The following AGRN variants were observed in gnomAD, a reference collection of about 807,000 sequenced individuals.
AGRN encodes the protein agrin proteoglycan.
In AGRN, 106 loss-of-function variants were observed where a neutral mutation model predicts 211.0. That is an observed-to-expected ratio of 0.50 (90% CI 0.43 to 0.59). AGRN has a LOEUF of 0.59. Ranked by LOEUF, AGRN falls within the 20% of genes least tolerant of loss-of-function variation. The pLI, the probability that AGRN is intolerant of heterozygous loss-of-function variation, is 0.00. For synonymous variants in AGRN, 1,525 were observed against 1,332.5 expected (o/e 1.14, Z -3.15); for missense variants, 3,040 against 2,982.6 (o/e 1.02, Z -0.45).
In AGRN at chr1:1,048,031, C is replaced by A. The variant is rs747026759; in HGVS notation, c.3771C>A (p.Ile1257=). 5 of 1,584,560 alleles carry A rather than the reference C, an allele frequency of 3.2e-6. No homozygotes were observed. The highest frequency in any genetic ancestry group is 1.3e-5 in the African/African-American group (1 of 74,576). ...FMDFDWFPAF[I]TGATSGAIAA... is the part of the protein sequence containing the mutation. ...CGGCAGACTGGTTTCCTGCGTTTAT[C>A]ACGGGGGCCACGTCAGGAGCCATTG... Residue 1257 remains isoleucine (I), a synonymous_variant, in exon 23 of 36, where the codon ATC becomes ATA. Coordinates refer to ENST00000379370, the MANE Select transcript of AGRN (RefSeq NM_198576.4). The surrounding 1 kb of genome is among the most constrained non-coding windows in gnomAD (Gnocchi z 5.9).
chr1:1,054,449 G>C lies in AGRN; in HGVS notation c.5878G>C (p.Glu1960Gln), dbSNP rs1645397033. ...GTCTCCCCCTCCCTGCACACCCAGG[G>C]AGCAGAGGGAAGGTTCCCTGCAGGT... The part of the protein sequence containing the change: ...NRWLRVVAHR[E>Q]QREGSLQVGN... The change falls in exon 35 of 36, where the codon GAG becomes CAG. Residue 1960 changes from glutamate to glutamine, a missense_variant and splice_region_variant. Around this residue, in one of 3 missense-constraint regions of AGRN, gnomAD observed 1,537 missense variants for 1,505.0 expected, o/e 1.02. Transcript: ENST00000379370. 1 of 1,581,526 alleles carries C rather than the reference G, an allele frequency of 6.3e-7. No homozygotes were observed. Among genetic ancestry groups the C allele is most frequent in the Non-Finnish European group, 8.6e-7 (1 of 1,163,950 alleles).
In AGRN at chr1:1,048,319, C is replaced by T; in HGVS notation, c.4059C>T (p.Phe1353=). ...AGGACTGGGCATTGGGCGGGGGCTT[C>T]ACCTGCAGCTGCCCGGCAGGCAGGG... ...TCQDWALGGG[F]TCSCPAGRGG... Residue 1353 remains phenylalanine (F), a synonymous_variant, in exon 23 of 36, where the codon TTC becomes TTT. Transcript: ENST00000379370. The surrounding 1 kb of genome is among the most constrained non-coding windows in gnomAD (Gnocchi z 5.9). 1 of 1,482,646 alleles carries T rather than the reference C, an allele frequency of 6.7e-7. No homozygotes were observed. The highest frequency in any genetic ancestry group is 9.0e-7 in the Non-Finnish European group (1 of 1,113,100). 91.8% of individuals were successfully genotyped at this position (1,482,646 alleles called of 1,614,324 possible).
intron 2 of AGRN, among the ~76,000 whole-genome samples, chr1:1,033,568 C>G (rs1570166174): frequency 1.3e-5 from 2 of 151,470 alleles, no homozygotes. Context: ...CTCCCCCGGC[C>G]CAGCCCCACC....
chr1:1,046,467 C>T lies in AGRN; in HGVS notation c.2982C>T (p.Ser994=), dbSNP rs1428954060. 6.2e-7 allele frequency: 1 copy of T among 1,612,114 alleles called. No homozygotes were observed. Among genetic ancestry groups the T allele is most frequent in the African/African-American group, 1.3e-5 (1 of 75,008 alleles). The stretch of plus-strand genomic sequence containing the variant: ...TGACCACCCCAGGGCTCCTCCTGAG[C>T]CAGGCACTGCCGGCCCCCCCCGGCG... The part of the protein sequence containing the change: ...VTVTTPGLLL[S]QALPAPPGAL... Residue 994 remains serine, a synonymous_variant, in exon 18 of 36, where the codon AGC becomes AGT. Coordinates refer to ENST00000379370, the MANE Select transcript of AGRN (RefSeq NM_198576.4).
chr1:1,051,023 G>A (rs755487393), intron 30 of AGRN, 186 bp downstream of exon 30: 6 of 1,549,238 alleles, frequency 3.9e-6, no homozygotes, highest in East Asian at 2.4e-5. Flanking sequence ...CCCGCTCTTC[G>A]GAGGCCAGAA....
Position 1,051,742 on chromosome 1 carries a change from T to G in AGRN, c.5578T>G (p.Ser1860Ala), listed in dbSNP as rs1645298647. The G allele has an allele frequency of 1.2e-6, 2 of 1,613,702 alleles. No individual in the cohort carries two copies. Among genetic ancestry groups the G allele is most frequent in the African/African-American group, 1.3e-5 (1 of 74,930 alleles). ...CTATCTCACAGGGCTGGTGGAGAAG[T>G]CAGCGGGGGACGTGGATACCTTGGC... ...PHCEKGLVEK[S>A]AGDVDTLAFD... The change falls in exon 33 of 36, where the codon TCA becomes GCA. Residue 1860 changes from serine to alanine, a missense_variant. By Grantham distance (99) the Ser-to-Ala change is moderately conservative. Coordinates refer to ENST00000379370, the MANE Select transcript of AGRN (RefSeq NM_198576.4).
chr1:1,043,480 G>A (rs776464400), intron 8 of AGRN, 23 bp downstream of exon 8: 21 of 1,598,512 alleles, frequency 1.3e-5, no homozygotes, highest in Non-Finnish European at 1.7e-5. Context: ...TGAGGGGTCT[G>A]GTGGGGGTCG....
chr1:1,044,459 G>T lies in AGRN; in HGVS notation c.2254+20G>T, dbSNP rs749805082. The T allele has an allele frequency of 1.3e-6, 2 of 1,595,236 alleles. No individual in the cohort carries two copies. Among genetic ancestry groups the T allele is most frequent in the Non-Finnish European group, 1.7e-6 (2 of 1,171,612 alleles). On this transcript the variant is annotated intron_variant, in intron 12 of 35. Coordinates refer to ENST00000379370, the MANE Select transcript of AGRN (RefSeq NM_198576.4). Reference sequence around the variant, plus strand: ...GCCGAGGTGAGCCGGCTGCACGTGGGGTCTCAGGCACAGGCGGGGCGGCGT... The same window carrying T: ...GCCGAGGTGAGCCGGCTGCACGTGGTGTCTCAGGCACAGGCGGGGCGGCGT...
rs895959650 is a variant in AGRN, at chr1:1,051,608, G to A, written c.5526G>A (p.Leu1842=). ...CGAGGGAGGCTGCCTATGTGTGCCT[G>A]TGTCCCGGGGGATTCTCAGGACCGC... ...CVPREAAYVC[L]CPGGFSGPHC... is the part of the protein sequence containing the mutation. The change falls in exon 32 of 36, where the codon CTG becomes CTA. Residue 1842 remains leucine, a synonymous_variant. Coordinates refer to ENST00000379370, the MANE Select transcript of AGRN (RefSeq NM_198576.4). The A allele has an allele frequency of 8.7e-6, 14 of 1,608,480 alleles. No individual in the cohort carries two copies. In the South Asian group the frequency reaches 1.4e-4, roughly 16 times the overall value.
Position 1,048,358 on chromosome 1 carries a change from T to C in AGRN, c.4098T>C (p.Cys1366=). 2 of 1,462,786 alleles carry C rather than the reference T, an allele frequency of 1.4e-6. No individual in the cohort carries two copies. The highest frequency in any genetic ancestry group is 1.8e-6 in the Non-Finnish European group (2 of 1,104,032). 90.6% of individuals were successfully genotyped at this position (1,462,786 alleles called of 1,614,324 possible). A position where few individuals can be genotyped will look rare whatever the true frequency, so the allele number is the denominator to read the frequency against. The change falls in exon 23 of 36, where the codon TGT becomes TGC. Residue 1366 remains cysteine, a synonymous_variant. Coordinates refer to ENST00000379370, the MANE Select transcript of AGRN (RefSeq NM_198576.4). The surrounding 1 kb of genome is among the most constrained non-coding windows in gnomAD (Gnocchi z 5.9). ...CGGCAGGCAGGGGAGGCGCCGTCTGTGAGAAGGGTAAGGATGTCCACTGCA... is the reference window on the plus strand; with the variant it reads ...CGGCAGGCAGGGGAGGCGCCGTCTGCGAGAAGGGTAAGGATGTCCACTGCA... The part of the protein sequence containing the change: ...SCPAGRGGAV[C]EKVLGAPVPA...
At chr1:1,037,119 G>A (rs374051503) in intron 3 of AGRN, among the ~76,000 whole-genome samples, 16 of 152,316 alleles carry the variant, frequency 1.1e-4, no homozygotes, top group African/African-American at 3.6e-4. Context: ...GCTGGGTCCT[G>A]GGGAGGAGAC....
intron 34 of AGRN, 24 bp downstream of exon 34, chr1:1,054,001 G>A (rs200400194): frequency 3.3e-4 from 521 of 1,569,200 alleles, no homozygotes; most frequent in Non-Finnish European, 4.2e-4. Flanking sequence ...CCAGCGTGCC[G>A]AGAATAGTGG....
intron 34 of AGRN, 29 bp downstream of exon 34, chr1:1,054,006 T>A: frequency 6.4e-7 from 1 of 1,564,116 alleles, no homozygotes; most frequent in Non-Finnish European, 8.7e-7. Context: ...GTGCCGAGAA[T>A]AGTGGCGAGG....
intron 3 of AGRN, among the ~76,000 whole-genome samples, chr1:1,039,558 C>T (rs556372116): frequency 6.6e-6 from 1 of 151,454 alleles, no homozygotes; most frequent in Non-Finnish European, 1.5e-5. Flanking sequence ...GGACCCTTCC[C>T]TGATCCTGGG....
rs751407693 is a variant in AGRN at position 1,046,220 on chromosome 1, C to T, written c.2866C>T (p.Arg956Cys). ...GTGTCAGCTGAAGACCATCGCCTGC[C>T]GCCAGGGCCTGCAAATCTCTATCCA... is the stretch of plus-strand genomic sequence containing the variant. ...NECQLKTIAC[R>C]QGLQISIQSL... The change falls in exon 17 of 36, where the codon CGC becomes TGC. Residue 956 changes from arginine (R) to cysteine (C), a missense_variant. Around this residue, in one of 3 missense-constraint regions of AGRN, gnomAD observed 1,498 missense variants for 1,457.8 expected, o/e 1.03. Transcript: ENST00000379370. 21 of 1,613,648 alleles carry T rather than the reference C, an allele frequency of 1.3e-5. No individual in the cohort carries two copies. Among genetic ancestry groups the T allele is most frequent in the Middle Eastern group, 1.6e-4 (1 of 6,062 alleles).
In AGRN at chr1:1,031,869, T is replaced by C. The variant is rs773439646; in HGVS notation, c.464-3408T>C. On this transcript the variant is annotated intron_variant, in intron 2 of 35. Coordinates refer to ENST00000379370, the MANE Select transcript of AGRN (RefSeq NM_198576.4). The surrounding 1 kb of genome is among the most constrained non-coding windows in gnomAD (Gnocchi z 4.8). ...TGGTAGCACGGCCTGGGTTTGACCC[T>C]GGCACTGCCCCTGGGACTCAGAGCT... Among the ~76,000 whole-genome samples the C allele has an allele frequency of 1.4e-4, 21 of 152,220 alleles. No individual in the cohort carries two copies. The highest frequency in any genetic ancestry group is 2.9e-4 in the Non-Finnish European group (20 of 68,026).
At chr1:1,033,878 G>A (rs1400634772) in intron 2 of AGRN, among the ~76,000 whole-genome samples, 1 of 149,292 alleles carries the variant, frequency 6.7e-6, no homozygotes, top group Non-Finnish European at 1.5e-5. Flanking sequence ...TTTGTGCGGC[G>A]CTCTCCCGTC....
intron 33 of AGRN, 116 bp from the exon 34 acceptor site, chr1:1,053,637 C>G: frequency 6.7e-7 from 1 of 1,488,648 alleles, no homozygotes; most frequent in Non-Finnish European, 9.1e-7. Flanking sequence ...CCAGCCACCC[C>G]TGGGTCCCGT....
rs1438398021 is a variant in AGRN at position 1,048,508 on chromosome 1, C to T, written c.4105+143C>T. Reference sequence around the variant, plus strand: ...GGTTTCGGCCAGATGCGGTGGCTCACGCCTGTAATCCCAGCACTTTGGGAG... The same window carrying T: ...GGTTTCGGCCAGATGCGGTGGCTCATGCCTGTAATCCCAGCACTTTGGGAG... On this transcript the variant is annotated intron_variant, in intron 23 of 35. Transcript: ENST00000379370. This position sits in a 1 kb window ranked among gnomAD's most constrained non-coding sequence, Gnocchi z 5.9. The T allele has an allele frequency of 3.0e-5, 22 of 743,050 alleles. No individual in the cohort carries two copies. The highest frequency in any genetic ancestry group is 3.6e-5 in the African/African-American group (2 of 55,786). 46.0% of individuals were successfully genotyped at this position (743,050 alleles called of 1,614,324 possible). A position where few individuals can be genotyped will look rare whatever the true frequency, so the allele number is the denominator to read the frequency against.
Sources: gnomAD v4.1 joint callset for allele counts (sites outside exome capture counted in the v4.1 genomes callset) on GRCh38, gnomAD v4.1.1 for gene constraint, gnomAD v4.1.1 regional missense constraint, Gnocchi (gnomAD v3.1) non-coding constraint, MANE v1.5 for transcripts, NCBI Gene and HGNC (gene_info 2026-07-23, HGNC 2026-07-21) for gene names.